Variants in ALK observed in about 807,000 individuals in gnomAD.
ALK encodes the protein ALK tyrosine kinase receptor.
In ALK, 74 loss-of-function variants were observed where a neutral mutation model predicts 163.1. The ratio of observed to expected loss-of-function variants is 0.45; its 90% CI spans 0.38 to 0.55. The LOEUF (loss-of-function observed/expected upper bound fraction) is 0.55. ALK is among the 20% of genes least tolerant of loss of function. The pLI is 0.00. For missense variants in ALK, 2,063 were observed against 2,105.3 expected, an observed-to-expected ratio of 0.98 and a Z score of 0.39; for synonymous variants, 960 against 843.2, an observed-to-expected ratio of 1.14 and a Z score of -2.40.
chr2:29,622,242 T>C (rs1328216183), intron 3 of ALK, among the ~76,000 whole-genome samples: 1 of 152,216 alleles, frequency 6.6e-6, no homozygotes, highest in Non-Finnish European at 1.5e-5. Context: ...AAAAGCAGTG[T>C]ATTAGCCTGT....
intron 1 of ALK, among the ~76,000 whole-genome samples, chr2:29,913,595 TA>T (rs1242640277): frequency 3.9e-5 from 6 of 152,206 alleles, no homozygotes; most frequent in African/African-American, 1.4e-4. Flanking sequence ...CCTTATTTTT[TA>T]TCTACTCCCA....
intron 1 of ALK, among the ~76,000 whole-genome samples, chr2:29,914,998 A>C (rs6753185): frequency 0.017 from 2,555 of 152,342 alleles, 77 homozygotes; most frequent in African/African-American, 0.059. Context: ...AGGATTAATA[A>C]GTAATAATAA....
At chr2:29,194,141 G>A (rs1309684908) in intron 28 of ALK, among the ~76,000 whole-genome samples, 1 of 152,114 alleles carries the variant, frequency 6.6e-6, no homozygotes, top group East Asian at 1.9e-4. Flanking sequence ...ATGGAAGTGT[G>A]TATGGGTGCC....
chr2:29,827,565 T>C (rs969635217), intron 1 of ALK, among the ~76,000 whole-genome samples: 1 of 152,180 alleles, frequency 6.6e-6, no homozygotes, highest in African/African-American at 2.4e-5. Context: ...AGTCTCAGGG[T>C]ATTAATTGGT....
intron 1 of ALK, among the ~76,000 whole-genome samples, chr2:29,819,920 G>A (rs1194071769): frequency 6.6e-6 from 1 of 152,170 alleles, no homozygotes; most frequent in African/African-American, 2.4e-5. Flanking sequence ...ATGCAGGTGA[G>A]GAACAGGCAA....
intron 4 of ALK, among the ~76,000 whole-genome samples, chr2:29,518,272 C>G (rs1672723830): frequency 1.3e-5 from 2 of 152,168 alleles, no homozygotes; most frequent in Non-Finnish European, 2.9e-5. Context: ...ATAAAAATGT[C>G]TCTGGCAATT....
At chr2:29,370,815 G>A (rs1668620473) in intron 5 of ALK, among the ~76,000 whole-genome samples, 1 of 152,208 alleles carries the variant, frequency 6.6e-6, no homozygotes, top group Non-Finnish European at 1.5e-5. Flanking sequence ...GGGCTGCCAT[G>A]TTGGCCCATC....
intron 4 of ALK, among the ~76,000 whole-genome samples, chr2:29,394,307 T>A (rs1669249331): frequency 6.9e-6 from 1 of 144,956 alleles, no homozygotes. Flanking sequence ...AAACACTGAT[T>A]ATCCAGACCA....
intron 3 of ALK, among the ~76,000 whole-genome samples, chr2:29,571,294 A>G (rs546502498): frequency 6.6e-6 from 1 of 152,268 alleles, no homozygotes; most frequent in East Asian, 1.9e-4. Flanking sequence ...CTGTGTCCCC[A>G]CCCAAATCTC....
intron 1 of ALK, among the ~76,000 whole-genome samples, chr2:29,789,305 C>T (rs908664146): frequency 3.3e-5 from 5 of 152,170 alleles, no homozygotes; most frequent in African/African-American, 1.2e-4. Context: ...AATATCATCA[C>T]ACCTCCTTGT....
intron 5 of ALK, among the ~76,000 whole-genome samples, chr2:29,364,941 CA>C: frequency 6.6e-6 from 1 of 152,312 alleles, no homozygotes; most frequent in Middle Eastern, 3.4e-3. Context: ...TTGTTTTGAA[CA>C]TTTCTTGTGC....
chr2:29,636,613 T>A (rs1407984527), intron 3 of ALK, among the ~76,000 whole-genome samples: 2 of 152,068 alleles, frequency 1.3e-5, no homozygotes, highest in African/African-American at 4.8e-5. Context: ...TCATCAAAAT[T>A]AAAAACTTTT....
intron 3 of ALK, among the ~76,000 whole-genome samples, chr2:29,615,091 C>T (rs956090347): frequency 6.6e-6 from 1 of 152,262 alleles, no homozygotes; most frequent in South Asian, 2.1e-4. Context: ...AGTACTGGGC[C>T]TGCAGGCTTG....
chr2:29,766,508 C>G (rs1303663291), intron 1 of ALK, among the ~76,000 whole-genome samples: 2 of 152,214 alleles, frequency 1.3e-5, no homozygotes, highest in Non-Finnish European at 2.9e-5. Context: ...CCTGTTCATT[C>G]ATCAAGACAT....
intron 1 of ALK, among the ~76,000 whole-genome samples, chr2:29,722,074 T>C (rs746102489): frequency 1.3e-5 from 2 of 152,248 alleles, no homozygotes; most frequent in Non-Finnish European, 1.5e-5. Context: ...GCTTCTTGGA[T>C]TTTTCACATC....
intron 3 of ALK, among the ~76,000 whole-genome samples, chr2:29,628,200 T>C (rs1437928134): frequency 6.6e-6 from 1 of 152,128 alleles, no homozygotes. Context: ...TGAAATACAA[T>C]AAAAGCACCA....
At chr2:29,811,800 G>A (rs1203949099) in intron 1 of ALK, among the ~76,000 whole-genome samples, 2 of 152,178 alleles carry the variant, frequency 1.3e-5, no homozygotes, top group African/African-American at 2.4e-5. Context: ...TTGATACTGT[G>A]TATCTCATTG....
intron 1 of ALK, among the ~76,000 whole-genome samples, chr2:29,887,439 C>T (rs975808519): frequency 1.3e-5 from 2 of 152,178 alleles, no homozygotes; most frequent in African/African-American, 4.8e-5. Context: ...GCTGCACGAC[C>T]TTTTCTGTCC....
chr2:29,777,651 T>G (rs901728765), intron 1 of ALK, among the ~76,000 whole-genome samples: 2 of 152,204 alleles, frequency 1.3e-5, no homozygotes. Context: ...AGGGACAGAC[T>G]GACTGGCTGT....
Sources: allele counts gnomAD v4.1 joint callset (sites outside exome capture counted in the v4.1 genomes callset), GRCh38; gene constraint gnomAD v4.1.1; transcripts MANE v1.5; gene names NCBI Gene and HGNC (gene_info 2026-07-23, HGNC 2026-07-21).